RTL4: variants seen among roughly 807,000 people sequenced by gnomAD.
RTL4 encodes the protein retrotransposon Gag-like protein 4.
RTL4 carries 4 observed loss-of-function variants against 5.3 expected under a neutral mutation model. The ratio of observed to expected loss-of-function variants is 0.75; its 90% CI spans 0.37 to 1.72. RTL4 has a LOEUF of 1.72. Among genes scored for constraint, RTL4 ranks in the 40% most tolerant of loss-of-function variants. RTL4 has a pLI of 0.04. For missense variants in RTL4, 260 were observed against 227.1 expected (o/e 1.14, Z -0.93); for synonymous variants, 98 against 87.3 (o/e 1.12, Z -0.68).
chrX:112,155,826 T>C, the RTL4 span, among the ~76,000 whole-genome samples: 2 of 111,793 alleles, frequency 1.8e-5, no homozygotes, highest in African/African-American at 6.5e-5. Flanking sequence ...TGGATATCCT[T>C]ACTTTACATT....
At chrX:112,375,658 A>G in the RTL4 span, among the ~76,000 whole-genome samples, 1 of 111,556 alleles carries the variant, frequency 9.0e-6, no homozygotes, top group African/African-American at 3.3e-5. Flanking sequence ...TTGCTCCAAC[A>G]GTGTGCTGAA....
chrX:112,148,690 G>A, the RTL4 span, among the ~76,000 whole-genome samples: 6 of 111,618 alleles, frequency 5.4e-5, no homozygotes, highest in Non-Finnish European at 9.4e-5. Flanking sequence ...ATAGTTCTAG[G>A]CATGAGACTT....
the RTL4 span, among the ~76,000 whole-genome samples, chrX:112,098,787 G>A: frequency 8.6e-4 from 96 of 111,706 alleles, no homozygotes; most frequent in African/African-American, 3.1e-3. Flanking sequence ...ATGGGGAAAC[G>A]ATTCCCTATT....
At chrX:112,161,329 G>C in the RTL4 span, among the ~76,000 whole-genome samples, 1 of 111,768 alleles carries the variant, frequency 8.9e-6, no homozygotes, top group Non-Finnish European at 1.9e-5. Context: ...CATTGTCCTT[G>C]TTGTTGCTAA....
At chrX:112,185,902 A>G in the RTL4 span, among the ~76,000 whole-genome samples, 1 of 111,055 alleles carries the variant, frequency 9.0e-6, no homozygotes, top group Non-Finnish European at 1.9e-5. Flanking sequence ...TGTGGGAGCT[A>G]ATTAGTTTCC....
chrX:112,226,703 C>T, the RTL4 span, among the ~76,000 whole-genome samples: 1 of 79,801 alleles, frequency 1.3e-5, no homozygotes, highest in South Asian at 4.2e-4. Flanking sequence ...AAATGGTGGA[C>T]ATTATTATTC....
At chrX:112,328,210 G>A in the RTL4 span, among the ~76,000 whole-genome samples, 22 of 110,222 alleles carry the variant, frequency 2.0e-4, no homozygotes, top group Non-Finnish European at 3.8e-4. Flanking sequence ...ACACAGACTG[G>A]CAAATTGGAT....
chrX:112,125,177 A>T, the RTL4 span, among the ~76,000 whole-genome samples: 521 of 110,018 alleles, frequency 4.7e-3, 3 homozygotes, highest in African/African-American at 0.017. Context: ...AAGTACTGGG[A>T]TTACAGGCAT....
chrX:112,258,442 A>G, the RTL4 span, among the ~76,000 whole-genome samples: 1 of 111,721 alleles, frequency 9.0e-6, no homozygotes, highest in East Asian at 2.8e-4. Context: ...CTGTGAATCC[A>G]AAACTACTCT....
the RTL4 span, chrX:112,381,388 G>A: frequency 2.5e-6 from 3 of 1,206,420 alleles, no homozygotes; most frequent in South Asian, 3.5e-5. Flanking sequence ...AGATAGTGGC[G>A]GAAATGACGG....
chrX:112,438,163 C>T, the RTL4 span, among the ~76,000 whole-genome samples: 4 of 111,018 alleles, frequency 3.6e-5, no homozygotes, highest in Non-Finnish European at 7.5e-5. Context: ...AGCTCAGGGT[C>T]TCTAATGAGG....
the RTL4 span, among the ~76,000 whole-genome samples, chrX:112,173,260 C>T: frequency 2.7e-5 from 3 of 110,936 alleles, no homozygotes; most frequent in East Asian, 8.5e-4. Context: ...AGTACAGGAT[C>T]CTAGATTTTT....
chrX:112,431,569 G>A, the RTL4 span, among the ~76,000 whole-genome samples: 1 of 111,419 alleles, frequency 9.0e-6, no homozygotes, highest in South Asian at 3.8e-4. Flanking sequence ...TTCTGCTTTT[G>A]TATGTTGGAA....
the RTL4 span, among the ~76,000 whole-genome samples, chrX:112,133,158 G>T: frequency 8.9e-6 from 1 of 111,784 alleles, no homozygotes; most frequent in African/African-American, 3.2e-5. Context: ...TATTGTTACT[G>T]CAGGTAAAAG....
the RTL4 span, among the ~76,000 whole-genome samples, chrX:112,254,576 C>A: frequency 9.0e-6 from 1 of 110,954 alleles, no homozygotes; most frequent in Non-Finnish European, 1.9e-5. Context: ...ATCCACCTGC[C>A]TCAGCCTCCC....
At chrX:112,410,514 A>G in the RTL4 span, among the ~76,000 whole-genome samples, 3 of 112,244 alleles carry the variant, frequency 2.7e-5, no homozygotes, top group Non-Finnish European at 5.6e-5. Context: ...TTTTTAAAAA[A>G]TAAAATTATA....
chrX:112,094,835 C>A, the RTL4 span, among the ~76,000 whole-genome samples: 1 of 111,071 alleles, frequency 9.0e-6, no homozygotes, highest in Non-Finnish European at 1.9e-5. Flanking sequence ...GTGATTGATT[C>A]CCTGATTTTA....
the RTL4 span, among the ~76,000 whole-genome samples, chrX:112,331,595 T>C: frequency 9.3e-6 from 1 of 107,254 alleles, no homozygotes; most frequent in Non-Finnish European, 1.9e-5. Flanking sequence ...TGGAAGTCAG[T>C]GTGGCTATTC....
chrX:112,155,158 T>C, the RTL4 span, among the ~76,000 whole-genome samples: 1 of 110,416 alleles, frequency 9.1e-6, no homozygotes. Context: ...AAATTTCTGT[T>C]TTTTGTAAAT....
Sources: allele counts gnomAD v4.1 joint callset (sites outside exome capture counted in the v4.1 genomes callset), GRCh38; gene constraint gnomAD v4.1.1; transcripts MANE v1.5; gene names NCBI Gene and HGNC (gene_info 2026-07-23, HGNC 2026-07-21).